The following MTRF1 variants were observed in gnomAD, a reference collection of about 807,000 sequenced individuals.
MTRF1 encodes peptide chain release factor 1, mitochondrial.
In MTRF1, 51 loss-of-function variants were observed where a neutral mutation model predicts 62.9. The ratio of observed to expected loss-of-function variants is 0.81; its 90% CI spans 0.65 to 1.02. The LOEUF (loss-of-function observed/expected upper bound fraction) is 1.02, where lower values mean the gene tolerates loss of function less well. Ranked by LOEUF, MTRF1 falls within the 50% of genes least tolerant of loss-of-function variation. MTRF1 has a pLI of 0.00. For missense variants in MTRF1, 446 were observed against 530.0 expected (o/e 0.84, Z 1.56); for synonymous variants, 158 against 181.9 (o/e 0.87, Z 1.06).
At chr13:41,265,139 T>G (rs181887447), upstream of MTRF1, among the ~76,000 whole-genome samples, 24 of 152,286 alleles carry the variant, frequency 1.6e-4, no homozygotes, top group East Asian at 4.4e-3. Flanking sequence ...AAAATTAGTC[T>G]TAGTCGGGCG....
chr13:41,242,894 G>A (rs1255375999), intron 5 of MTRF1, among the ~76,000 whole-genome samples: 1 of 151,894 alleles, frequency 6.6e-6, no homozygotes, highest in African/African-American at 2.4e-5. Context: ...GACCATCCTG[G>A]GCAACACAGT....
chr13:41,285,718 G>A, the MTRF1 span, among the ~76,000 whole-genome samples: 2 of 152,080 alleles, frequency 1.3e-5, no homozygotes. Flanking sequence ...TGGAATTTTG[G>A]GGAGAGACAA....
chr13:41,311,612 C>T, the MTRF1 span: 2 of 1,591,698 alleles, frequency 1.3e-6, no homozygotes. Context: ...GCTGCCGCCC[C>T]CCGGTCCCCG....
the MTRF1 span, among the ~76,000 whole-genome samples, chr13:41,290,819 G>A: frequency 4.2e-4 from 63 of 151,508 alleles, no homozygotes; most frequent in Middle Eastern, 3.4e-3. Flanking sequence ...GAGGCTGGAC[G>A]CAGTGGCTCA....
the MTRF1 span, among the ~76,000 whole-genome samples, chr13:41,268,932 G>GT: frequency 6.6e-6 from 1 of 150,442 alleles, no homozygotes; most frequent in East Asian, 1.9e-4. Flanking sequence ...AAAGTTTTCA[G>GT]TTTTTTTCTT....
chr13:41,311,401 C>A, the MTRF1 span: 2 of 872,480 alleles, frequency 2.3e-6, no homozygotes, highest in Non-Finnish European at 3.6e-6. Flanking sequence ...CAACTGTAGA[C>A]CAATGAACTA....
the MTRF1 span, among the ~76,000 whole-genome samples, chr13:41,306,365 C>A: frequency 6.7e-6 from 1 of 148,518 alleles, no homozygotes; most frequent in African/African-American, 2.5e-5. Context: ...GCCTGGGACA[C>A]GGAGTGAGAC....
intron 6 of MTRF1, 40 bp from the exon 7 acceptor site, chr13:41,234,047 T>C (rs1451279003): frequency 2.1e-6 from 3 of 1,402,730 alleles, no homozygotes; most frequent in East Asian, 4.6e-5. Flanking sequence ...ACTCCGTGAA[T>C]ACTTTAATAT....
At chr13:41,244,226 TTTC>T in intron 5 of MTRF1, among the ~76,000 whole-genome samples, 1 of 152,118 alleles carries the variant, frequency 6.6e-6, no homozygotes, top group Non-Finnish European at 1.5e-5. Flanking sequence ...CTCAACTTTC[TTTC>T]TTTCAGTGAA....
chr13:41,244,924 CT>C (rs1420359290), intron 5 of MTRF1, among the ~76,000 whole-genome samples: 1 of 152,182 alleles, frequency 6.6e-6, no homozygotes, highest in Non-Finnish European at 1.5e-5. Context: ...AATTGCTAAG[CT>C]TTGGGTAATT....
At chr13:41,235,741 G>A (rs2036387388) in intron 6 of MTRF1, 1 of 156,610 alleles carries the variant, frequency 6.4e-6, no homozygotes, top group African/African-American at 2.4e-5. Context: ...TTGGACTTCT[G>A]GCTGCTAGAA....
At chr13:41,220,450 G>A (rs2138651390) in intron 9 of MTRF1, 1 of 574,700 alleles carries the variant, frequency 1.7e-6, no homozygotes, top group Non-Finnish European at 2.8e-6. Context: ...TCTGCACAAG[G>A]ACATTGAGAA....
At chr13:41,246,566 A>G (rs1339159429) in intron 5 of MTRF1, among the ~76,000 whole-genome samples, 2 of 152,312 alleles carry the variant, frequency 1.3e-5, no homozygotes, top group Middle Eastern at 3.4e-3. Context: ...CTCCAGCAAT[A>G]AAACATATTA....
intron 6 of MTRF1, among the ~76,000 whole-genome samples, chr13:41,239,563 A>T (rs1055883091): frequency 1.3e-5 from 2 of 148,584 alleles, no homozygotes; most frequent in African/African-American, 4.9e-5. Context: ...CTGTATGTTT[A>T]AAAAAAAAAG....
At chr13:41,226,404 C>G (rs2034441160) in intron 8 of MTRF1, 28 bp downstream of exon 8, 2 of 1,592,342 alleles carry the variant, frequency 1.3e-6, no homozygotes, top group South Asian at 2.3e-5. Flanking sequence ...TAAACAGTCA[C>G]TAAATTATTA....
chr13:41,287,144 A>T, the MTRF1 span, among the ~76,000 whole-genome samples: 1 of 152,222 alleles, frequency 6.6e-6, no homozygotes, highest in Non-Finnish European at 1.5e-5. Flanking sequence ...AAGAACAACC[A>T]CGTGGCTCAG....
intron 9 of MTRF1, among the ~76,000 whole-genome samples, chr13:41,221,243 A>C (rs1593549066): frequency 7.2e-6 from 1 of 138,906 alleles, no homozygotes. Flanking sequence ...TACAAGTTCC[A>C]CCTCCCGGGT....
In MTRF1 at chr13:41,242,174, G is replaced by C. The variant is rs754016222; in HGVS notation, c.698-1741C>G. On this transcript the variant is annotated intron_variant, in intron 5 of 9. Coordinates refer to ENST00000379480, the MANE Select transcript of MTRF1 (RefSeq NM_004294.4). ...AACTGGTTCATTTTAATCCTCTGAAGATGACCAATTAAAAGTTTAAATTAT... is the reference window on the plus strand; with the variant it reads ...AACTGGTTCATTTTAATCCTCTGAACATGACCAATTAAAAGTTTAAATTAT... Among the ~76,000 whole-genome samples the C allele has an allele frequency of 2.0e-5, 3 of 152,014 alleles. No homozygotes were observed. The East Asian group carries it at 5.8e-4, about 29-fold the overall frequency.
chr13:41,267,931 A>G (rs1594105773), upstream of MTRF1, among the ~76,000 whole-genome samples: 1 of 151,894 alleles, frequency 6.6e-6, no homozygotes, highest in East Asian at 1.9e-4. Flanking sequence ...TCTAATTTTT[A>G]TTTTAATCTT....
Sources: allele counts gnomAD v4.1 joint callset (sites outside exome capture counted in the v4.1 genomes callset), GRCh38; gene constraint gnomAD v4.1.1; transcripts MANE v1.5; gene names NCBI Gene and HGNC (gene_info 2026-07-23, HGNC 2026-07-21).